The following UBAP1 variants were observed in gnomAD, a reference collection of about 807,000 sequenced individuals.
The protein encoded by UBAP1 is ubiquitin-associated protein 1.
In UBAP1, 5 loss-of-function variants were observed where a neutral mutation model predicts 39.0. The observed-to-expected ratio is 0.13, with a 90% CI of 0.07 to 0.27. The LOEUF (loss-of-function observed/expected upper bound fraction) is 0.27, where lower values mean the gene tolerates loss of function less well. UBAP1 is among the 10% of genes least tolerant of loss of function. The pLI is 1.00. For missense variants in UBAP1, 490 were observed against 608.1 expected (o/e 0.81, Z 2.04); for synonymous variants, 211 against 225.1 (o/e 0.94, Z 0.56).
intron 3 of UBAP1, 83 bp from the exon 4 acceptor site, chr9:34,241,102 G>A: frequency 1.0e-6 from 1 of 996,258 alleles, no homozygotes; most frequent in Non-Finnish European, 1.4e-6. Flanking sequence ...TCTTGCACCA[G>A]GAGTGAGGAA....
intron 4 of UBAP1, among the ~76,000 whole-genome samples, chr9:34,248,449 C>T (rs534499932): frequency 6.6e-6 from 1 of 152,324 alleles, no homozygotes; most frequent in African/African-American, 2.4e-5. Context: ...AGTCCTGACT[C>T]CTTCCTGGCT....
chr9:34,217,866 C>T (rs191240202), intron 1 of UBAP1, among the ~76,000 whole-genome samples: 150 of 128,998 alleles, frequency 1.2e-3, no homozygotes, highest in Middle Eastern at 5.6e-3. Flanking sequence ...GGCACCATCT[C>T]GGCTCACTGC....
At chr9:34,192,515 CAAAAAAAAAAA>C (rs4008753) in intron 1 of UBAP1, among the ~76,000 whole-genome samples, 11 of 107,506 alleles carry the variant, frequency 1.0e-4, no homozygotes, top group African/African-American at 3.3e-4. Flanking sequence ...GACTCCATCT[CAAAAAAAAAAA>C]AAAAAAAAAA....
chr9:34,231,922 T>C (rs889837904), intron 2 of UBAP1, among the ~76,000 whole-genome samples: 1 of 151,418 alleles, frequency 6.6e-6, no homozygotes, highest in Non-Finnish European at 1.5e-5. Flanking sequence ...TGAGCCACTG[T>C]GCCCGGCCGG....
intron 1 of UBAP1, chr9:34,191,682 TG>T (rs1322712372): frequency 1.3e-5 from 2 of 154,330 alleles, no homozygotes; most frequent in African/African-American, 4.8e-5. Context: ...GAATTCTGTT[TG>T]GGCAAGAGAT....
chr9:34,204,513 A>G (rs903770988), intron 1 of UBAP1, among the ~76,000 whole-genome samples: 2 of 152,066 alleles, frequency 1.3e-5, no homozygotes, highest in South Asian at 2.1e-4. Flanking sequence ...ATGTGCCCTC[A>G]GAATTAAGAT....
At chr9:34,215,362 A>C (rs1274831012) in intron 1 of UBAP1, among the ~76,000 whole-genome samples, 2 of 151,982 alleles carry the variant, frequency 1.3e-5, no homozygotes, top group African/African-American at 4.8e-5. Flanking sequence ...CTCAGCTGTA[A>C]AAAGGAATGA....
intron 1 of UBAP1, among the ~76,000 whole-genome samples, chr9:34,211,574 A>G (rs954529602): frequency 6.6e-6 from 1 of 152,210 alleles, no homozygotes; most frequent in African/African-American, 2.4e-5. Context: ...AAAGGAAAGG[A>G]AGTGAAAATG....
chr9:34,204,408 A>G (rs1047682025), intron 1 of UBAP1, among the ~76,000 whole-genome samples: 7 of 152,202 alleles, frequency 4.6e-5, no homozygotes, highest in African/African-American at 1.7e-4. Context: ...GATTGTATAT[A>G]CTTGCTGAGT....
At chr9:34,217,228 A>G (rs1005395231) in intron 1 of UBAP1, among the ~76,000 whole-genome samples, 1 of 152,122 alleles carries the variant, frequency 6.6e-6, no homozygotes, top group Non-Finnish European at 1.5e-5. Flanking sequence ...GGCCCTAGGC[A>G]GATAGCATAG....
chr9:34,223,215 G>A (rs898346843), intron 2 of UBAP1, among the ~76,000 whole-genome samples: 1 of 152,038 alleles, frequency 6.6e-6, no homozygotes, highest in Non-Finnish European at 1.5e-5. Flanking sequence ...CGGATCACCT[G>A]AGGTCAGGAG....
At chr9:34,233,023 A>G (rs970009327) in intron 2 of UBAP1, among the ~76,000 whole-genome samples, 1 of 151,998 alleles carries the variant, frequency 6.6e-6, no homozygotes. Context: ...TGGTCTTTCC[A>G]TGTTGTTCAG....
chr9:34,190,650 TG>T (rs1294763627), intron 1 of UBAP1, among the ~76,000 whole-genome samples: 8 of 149,160 alleles, frequency 5.4e-5, no homozygotes, highest in East Asian at 2.0e-4. Flanking sequence ...TTTTTTTTTT[TG>T]GAGACAGGGT....
intron 1 of UBAP1, among the ~76,000 whole-genome samples, chr9:34,189,848 C>T (rs185622651): frequency 1.1e-4 from 17 of 151,900 alleles, no homozygotes; most frequent in African/African-American, 4.1e-4. Context: ...GTTGGTCTGG[C>T]TGGACTTGAA....
intron 1 of UBAP1, among the ~76,000 whole-genome samples, chr9:34,210,717 CTTTAAAAAAAAAAAAAATTTTT>C (rs1046251893): frequency 8.8e-6 from 1 of 113,198 alleles, no homozygotes; most frequent in African/African-American, 3.2e-5. Context: ...GAGACTCCAT[CTTTAAAAAAAAAAAAAATTTTT>C]TTTTTTTACA....
chr9:34,235,331 G>GTA (rs201764039), intron 3 of UBAP1, among the ~76,000 whole-genome samples: 39,526 of 145,136 alleles, frequency 0.27, 6,362 homozygotes, highest in Non-Finnish European at 0.37. Flanking sequence ...GTGTGTGTGT[G>GTA]TATATATATA....
Position 34,241,579 on chromosome 9 carries a change from T to G in UBAP1, c.554T>G (p.Val185Gly), listed in dbSNP as rs777537431. ...DEKEELRNIL[V>G]GTTGPIMAQL... ...AAGGAAGAGCTGAGAAATATTCTGGTAGGAACCACTGGACCCATTATGGCT... is the reference window on the plus strand; with the variant it reads ...AAGGAAGAGCTGAGAAATATTCTGGGAGGAACCACTGGACCCATTATGGCT... The change falls in exon 4 of 7, where the codon GTA becomes GGA. Residue 185 changes from valine to glycine, a missense_variant. Coordinates refer to ENST00000297661, the MANE Select transcript of UBAP1 (RefSeq NM_016525.5). The G allele has an allele frequency of 3.7e-6, 6 of 1,614,110 alleles. No homozygotes were observed. The highest frequency in any genetic ancestry group is 1.6e-4 in the Middle Eastern group (1 of 6,062).
At chr9:34,187,136 G>C (rs10971985) in intron 1 of UBAP1, among the ~76,000 whole-genome samples, 18,815 of 152,208 alleles carry the variant, frequency 0.12, 1,523 homozygotes, top group Non-Finnish European at 0.18. Flanking sequence ...TTGAACTCCT[G>C]ACCTCAGGTG....
chr9:34,223,447 TTTTG>T (rs983667934), intron 2 of UBAP1, among the ~76,000 whole-genome samples: 34 of 151,928 alleles, frequency 2.2e-4, no homozygotes, highest in Middle Eastern at 3.4e-3. Flanking sequence ...CAAAGTGTTA[TTTTG>T]TTTGTTTGTT....
Sources: gnomAD v4.1 joint callset for allele counts (sites outside exome capture counted in the v4.1 genomes callset) on GRCh38, gnomAD v4.1.1 for gene constraint, MANE v1.5 for transcripts, NCBI Gene and HGNC (gene_info 2026-07-23, HGNC 2026-07-21) for gene names.